SPHKAP: variants seen among roughly 807,000 people sequenced by gnomAD.
SPHKAP encodes A-kinase anchor protein SPHKAP.
A neutral mutation model predicts 137.5 loss-of-function variants in SPHKAP; 67 were observed. That is an observed-to-expected ratio of 0.49 (90% CI 0.40 to 0.60). The LOEUF is 0.60. Ranked by LOEUF, SPHKAP falls within the 20% of genes least tolerant of loss-of-function variation. The pLI is 0.00. For synonymous variants in SPHKAP, 813 were observed against 785.3 expected (o/e 1.04, Z -0.59); for missense variants, 2,097 against 2,069.3 (o/e 1.01, Z -0.26).
chr2:228,136,688 T>A (rs1404793694), intron 1 of SPHKAP, among the ~76,000 whole-genome samples: 3 of 152,184 alleles, frequency 2.0e-5, no homozygotes, highest in African/African-American at 7.2e-5. Flanking sequence ...AATCTGCATA[T>A]TGACATTAAA....
chr2:228,016,338 A>G (rs997188226), intron 7 of SPHKAP, 68 bp downstream of exon 7: 11 of 1,495,140 alleles, frequency 7.4e-6, no homozygotes, highest in Middle Eastern at 3.6e-4. Flanking sequence ...TAAAATTTAG[A>G]CTAAACACTG....
intron 3 of SPHKAP, among the ~76,000 whole-genome samples, chr2:228,097,139 C>T (rs1326459086): frequency 2.0e-5 from 3 of 152,060 alleles, no homozygotes. Context: ...TAATGAGAAA[C>T]ATTGTTTATT....
At chr2:228,107,868 A>C (rs1166994982) in intron 3 of SPHKAP, among the ~76,000 whole-genome samples, 2 of 152,224 alleles carry the variant, frequency 1.3e-5, no homozygotes. Flanking sequence ...GAAAAGCAGC[A>C]GAATCATAAA....
In SPHKAP at chr2:228,016,774, T is replaced by C. The variant is rs1694613199; in HGVS notation, c.4080A>G (p.Pro1360=). ...RLAASRMCSG[P]TLLVQESLDC... The stretch of plus-strand genomic sequence containing the variant: ...CGAGAGACTCCTGAACAAGCAGAGT[T>C]GGCCCACTGCACATCCTGCTCGCAG... Residue 1360 remains proline (P), a synonymous_variant, in exon 7 of 12, where the codon CCA becomes CCG. Transcript: ENST00000392056. 1.2e-6 allele frequency: 2 copies of C among 1,613,946 alleles called. No individual in the cohort carries two copies. The highest frequency in any genetic ancestry group is 2.7e-5 in the African/African-American group (2 of 74,902).
chr2:228,129,703 T>C (rs1699186009), intron 2 of SPHKAP, among the ~76,000 whole-genome samples: 1 of 151,840 alleles, frequency 6.6e-6, no homozygotes, highest in African/African-American at 2.4e-5. Context: ...TATGTATAAA[T>C]ATATACATTT....
chr2:228,046,854 A>G (rs1361422771), intron 3 of SPHKAP, among the ~76,000 whole-genome samples: 3 of 152,160 alleles, frequency 2.0e-5, no homozygotes, highest in African/African-American at 7.2e-5. Flanking sequence ...AAGAGACAAC[A>G]CTATCTGGGC....
At chr2:228,092,772 C>T (rs2106329099) in intron 3 of SPHKAP, among the ~76,000 whole-genome samples, 1 of 151,692 alleles carries the variant, frequency 6.6e-6, no homozygotes, top group East Asian at 1.9e-4. Flanking sequence ...CTGGATGGAA[C>T]TGGAGACCAT....
Position 228,053,554 on chromosome 2 carries a change from A to T in SPHKAP, c.247-26011T>A, listed in dbSNP as rs558946039. On this transcript the variant is annotated intron_variant, in intron 3 of 11. Transcript: ENST00000392056. ...TCTTAGTGGATAGATTTTCACTTAA[A>T]CTCATTTTTCAGGCCTATAATTTCC... 2.0e-5 allele frequency among the ~76,000 whole-genome samples: 3 copies of T among 151,010 alleles called. No homozygotes were observed. The East Asian group carries it at 5.9e-4, about 30-fold the overall frequency.
intron 3 of SPHKAP, among the ~76,000 whole-genome samples, 186 bp downstream of exon 3, chr2:228,108,646 G>T (rs1406937851): frequency 6.6e-6 from 1 of 152,094 alleles, no homozygotes; most frequent in African/African-American, 2.4e-5. Context: ...GAGCAAAATG[G>T]GGATACAAAC....
intron 3 of SPHKAP, among the ~76,000 whole-genome samples, chr2:228,092,353 A>C (rs1350184468): frequency 1.4e-5 from 2 of 142,764 alleles, no homozygotes; most frequent in African/African-American, 5.1e-5. Flanking sequence ...GTGTGTATAC[A>C]TATATACACA....
intron 3 of SPHKAP, among the ~76,000 whole-genome samples, chr2:228,040,539 A>T (rs1183174296): frequency 6.6e-6 from 1 of 152,190 alleles, no homozygotes; most frequent in Non-Finnish European, 1.5e-5. Flanking sequence ...AATGAAATAT[A>T]AAGTTTTATT....
chr2:228,063,210 ATTTACCTG>A (rs55680398), intron 3 of SPHKAP, among the ~76,000 whole-genome samples: 7,354 of 147,838 alleles, frequency 0.05, 192 homozygotes, highest in East Asian at 0.11. Flanking sequence ...CTATCTATCT[ATTTACCTG>A]TCTATCTACC....
chr2:228,092,503 TATAC>T (rs78879386), intron 3 of SPHKAP, among the ~76,000 whole-genome samples: 41 of 53,848 alleles, frequency 7.6e-4, no homozygotes, highest in East Asian at 3.0e-3. Context: ...CATATATATG[TATAC>T]ATATATGTGC....
At chr2:228,031,118 CAAAG>C (rs1234263083) in intron 3 of SPHKAP, among the ~76,000 whole-genome samples, 15 of 152,212 alleles carry the variant, frequency 9.9e-5, no homozygotes, top group Non-Finnish European at 1.5e-4. Flanking sequence ...CTTTCCTAGT[CAAAG>C]AAAGGGGTGA....
intron 3 of SPHKAP, among the ~76,000 whole-genome samples, chr2:228,093,882 A>C (rs1345651733): frequency 2.7e-5 from 4 of 150,708 alleles, no homozygotes; most frequent in South Asian, 2.1e-4. Context: ...AAAAAAAAAA[A>C]AAAACAAAGC....
chr2:228,092,206 C>A (rs1260662234), intron 3 of SPHKAP, among the ~76,000 whole-genome samples: 1 of 129,828 alleles, frequency 7.7e-6, no homozygotes, highest in African/African-American at 2.7e-5. Flanking sequence ...CATGCATACA[C>A]ACATATATAC....
intron 1 of SPHKAP, among the ~76,000 whole-genome samples, chr2:228,174,781 T>C (rs774239783): frequency 6.6e-5 from 10 of 152,072 alleles, no homozygotes; most frequent in Non-Finnish European, 1.0e-4. Context: ...CAAATCATGA[T>C]TATAATTTAA....
chr2:228,085,812 T>C (rs897227396), intron 3 of SPHKAP, among the ~76,000 whole-genome samples: 3 of 152,224 alleles, frequency 2.0e-5, no homozygotes, highest in African/African-American at 7.2e-5. Flanking sequence ...TGAGTTTTTT[T>C]TTTCTGAGAG....
At chr2:228,029,425 G>C (rs1191996895) in intron 3 of SPHKAP, among the ~76,000 whole-genome samples, 1 of 152,152 alleles carries the variant, frequency 6.6e-6, no homozygotes, top group East Asian at 1.9e-4. Flanking sequence ...GATCACTACT[G>C]CTTTAGTCCC....
Sources: allele counts gnomAD v4.1 joint callset (sites outside exome capture counted in the v4.1 genomes callset), GRCh38; gene constraint gnomAD v4.1.1; transcripts MANE v1.5; gene names NCBI Gene and HGNC (gene_info 2026-07-23, HGNC 2026-07-21).